The following ATP8A2 variants were observed in gnomAD, a reference collection of about 807,000 sequenced individuals.
ATP8A2 encodes ATPase phospholipid transporting 8A2, also known as phospholipid-transporting ATPase IB.
A neutral mutation model predicts 165.6 loss-of-function variants in ATP8A2; 100 were observed. The observed-to-expected ratio is 0.60, with a 90% CI of 0.51 to 0.71. The LOEUF is 0.71. ATP8A2 is among the 30% of genes least tolerant of loss of function. The pLI, the probability that ATP8A2 is intolerant of heterozygous loss-of-function variation, is 0.00. For synonymous variants in ATP8A2, 543 were observed against 548.8 expected, an observed-to-expected ratio of 0.99 and a Z score of 0.15; for missense variants, 1,227 against 1,479.5, an observed-to-expected ratio of 0.83 and a Z score of 2.80.
intron 28 of ATP8A2, among the ~76,000 whole-genome samples, chr13:25,833,793 G>A (rs960681687): frequency 2.0e-5 from 3 of 152,176 alleles, no homozygotes; most frequent in Non-Finnish European, 4.4e-5. Flanking sequence ...GCCGCAATTG[G>A]ACATGCAGAA....
At chr13:25,730,190 C>T (rs1298697921) in intron 25 of ATP8A2, among the ~76,000 whole-genome samples, 1 of 152,134 alleles carries the variant, frequency 6.6e-6, no homozygotes, top group Non-Finnish European at 1.5e-5. Flanking sequence ...ACTCTGGAGG[C>T]TCAGTTGGGA....
chr13:25,411,287 A>C (rs2033956763), intron 1 of ATP8A2, among the ~76,000 whole-genome samples: 1 of 152,230 alleles, frequency 6.6e-6, no homozygotes, highest in Admixed American at 6.5e-5. Context: ...CAGAAGGAGA[A>C]TATCAGGTGT....
chr13:25,952,707 A>C (rs1955402048), intron 33 of ATP8A2, among the ~76,000 whole-genome samples: 1 of 152,046 alleles, frequency 6.6e-6, no homozygotes, highest in South Asian at 2.1e-4. Context: ...AGTTAGGGCC[A>C]ATTTCATTCA....
At chr13:25,845,447 T>TA (rs748049928) in intron 30 of ATP8A2, among the ~76,000 whole-genome samples, 2 of 152,182 alleles carry the variant, frequency 1.3e-5, no homozygotes, top group Non-Finnish European at 2.9e-5. Flanking sequence ...AAAGAGCTCC[T>TA]AAAAACATTT....
intron 25 of ATP8A2, among the ~76,000 whole-genome samples, chr13:25,738,159 G>A (rs2043820514): frequency 1.3e-5 from 2 of 152,204 alleles, no homozygotes; most frequent in Admixed American, 1.3e-4. Context: ...CTTTTAGAGT[G>A]CAAGATGCTG....
intron 33 of ATP8A2, among the ~76,000 whole-genome samples, chr13:25,939,839 C>T (rs552634622): frequency 6.6e-6 from 1 of 152,346 alleles, no homozygotes; most frequent in East Asian, 1.9e-4. Context: ...CAGTTGACGT[C>T]CACTCCTACC....
At chr13:25,994,909 C>A (rs374535373) in intron 35 of ATP8A2, among the ~76,000 whole-genome samples, 2 of 151,924 alleles carry the variant, frequency 1.3e-5, no homozygotes, top group East Asian at 3.9e-4. Context: ...GTGTCTTTTC[C>A]TTTTCTGTTT....
chr13:25,458,418 T>G (rs1332243227), intron 1 of ATP8A2, among the ~76,000 whole-genome samples: 1 of 152,234 alleles, frequency 6.6e-6, no homozygotes, highest in African/African-American at 2.4e-5. Context: ...TCTTTCTGTG[T>G]TGCCCATGCT....
intron 35 of ATP8A2, among the ~76,000 whole-genome samples, chr13:25,997,479 T>C (rs1223674970): frequency 1.3e-5 from 2 of 152,222 alleles, no homozygotes; most frequent in Non-Finnish European, 2.9e-5. Context: ...TTCATCAAAA[T>C]TGGGACATTT....
intron 23 of ATP8A2, among the ~76,000 whole-genome samples, chr13:25,584,145 T>C (rs1046606726): frequency 1.3e-5 from 2 of 152,208 alleles, no homozygotes; most frequent in African/African-American, 4.8e-5. Flanking sequence ...AACTGAAGCT[T>C]GTAGCCTTGG....
At chr13:25,402,270 T>G (rs923862398) in intron 1 of ATP8A2, among the ~76,000 whole-genome samples, 2 of 152,182 alleles carry the variant, frequency 1.3e-5, no homozygotes, top group African/African-American at 4.8e-5. Flanking sequence ...GAATTTTTCA[T>G]TTAATATTTT....
At chr13:25,846,434 C>T (rs991844385) in intron 30 of ATP8A2, among the ~76,000 whole-genome samples, 1 of 151,820 alleles carries the variant, frequency 6.6e-6, no homozygotes, top group Non-Finnish European at 1.5e-5. Context: ...AAGGATGAGT[C>T]GGAATGAGGT....
At chr13:25,904,731 A>G (rs1006265202) in intron 33 of ATP8A2, among the ~76,000 whole-genome samples, 1 of 152,178 alleles carries the variant, frequency 6.6e-6, no homozygotes, top group Non-Finnish European at 1.5e-5. Flanking sequence ...GGTTGCTTAT[A>G]TAACACATTG....
At chr13:25,801,695 A>G (rs1179615056) in intron 27 of ATP8A2, among the ~76,000 whole-genome samples, 4 of 152,208 alleles carry the variant, frequency 2.6e-5, no homozygotes. Context: ...CTATTTAAAT[A>G]TTAAAAATAT....
At chr13:25,646,361 G>A (rs74743680) in intron 24 of ATP8A2, among the ~76,000 whole-genome samples, 7,627 of 151,978 alleles carry the variant, frequency 0.05, 633 homozygotes, top group African/African-American at 0.17. Flanking sequence ...TTTAAAAAAA[G>A]CATTTAGGGC....
chr13:25,713,737 A>G (rs775453407), intron 25 of ATP8A2, among the ~76,000 whole-genome samples: 1 of 152,112 alleles, frequency 6.6e-6, no homozygotes, highest in Non-Finnish European at 1.5e-5. Flanking sequence ...TATTGAGCAT[A>G]TGTGTCGCAA....
intron 33 of ATP8A2, among the ~76,000 whole-genome samples, chr13:25,903,010 T>C (rs559513830): frequency 6.7e-6 from 1 of 149,994 alleles, no homozygotes. Context: ...ACAAAGTAGA[T>C]AAAAACTCCT....
intron 36 of ATP8A2, among the ~76,000 whole-genome samples, chr13:26,013,535 G>A (rs1052653063): frequency 1.3e-5 from 2 of 152,124 alleles, no homozygotes; most frequent in Admixed American, 6.5e-5. Context: ...TTAGCTGGGC[G>A]TGACGGCACA....
chr13:25,988,740 G>A (rs562420434), intron 35 of ATP8A2, among the ~76,000 whole-genome samples: 1 of 152,306 alleles, frequency 6.6e-6, no homozygotes, highest in East Asian at 1.9e-4. Flanking sequence ...AAGAGCTATA[G>A]TTAAAAAATA....
Sources: allele counts gnomAD v4.1 joint callset (sites outside exome capture counted in the v4.1 genomes callset), GRCh38; gene constraint gnomAD v4.1.1; transcripts MANE v1.5; gene names NCBI Gene and HGNC (gene_info 2026-07-23, HGNC 2026-07-21).